The following ATP6V0C variants were observed in gnomAD, a reference collection of about 807,000 sequenced individuals.
ATP6V0C encodes the protein V-type proton ATPase 16 kDa proteolipid subunit c.
Under a neutral mutation model 10.6 loss-of-function variants are expected in ATP6V0C, and 2 were observed. That is an observed-to-expected ratio of 0.19 (90% CI 0.08 to 0.59). ATP6V0C has a LOEUF of 0.59. ATP6V0C is among the 20% of genes least tolerant of loss of function. ATP6V0C has a pLI of 0.90. For missense variants in ATP6V0C, 89 were observed against 225.9 expected (o/e 0.39, Z 3.88); for synonymous variants, 128 against 101.3 (o/e 1.26, Z -1.59).
Position 2,519,802 on chromosome 16 carries a change from C to G in ATP6V0C, c.*57C>G. On this transcript the variant is annotated 3_prime_UTR_variant, in exon 3 of 3. Coordinates refer to ENST00000330398, the MANE Select transcript of ATP6V0C (RefSeq NM_001694.4). ...TATGTAAAGACCACCCCTCCTCATT[C>G]CAGAACGAACAGCCTGACACATACG... 1 of 1,575,726 alleles carries G rather than the reference C, an allele frequency of 6.3e-7. No individual in the cohort carries two copies. Among genetic ancestry groups the G allele is most frequent in the Non-Finnish European group, 8.7e-7 (1 of 1,152,054 alleles).
Position 2,513,987 on chromosome 16 carries a change from A to ACGGGCCGGATCGCCTTCGCCGCCGC in ATP6V0C, c.-115_-91dup, listed in dbSNP as rs2065863214. On this transcript the variant is annotated 5_prime_UTR_variant, in exon 1 of 3. Coordinates refer to ENST00000330398, the MANE Select transcript of ATP6V0C (RefSeq NM_001694.4). ...GCTGGTATTTAGAGCGCAGCGGCTG[A>ACGGGCCGGATCGCCTTCGCCGCCGC]CGGGCCGGATCGCCTTCGCCGCCGC... is the stretch of plus-strand genomic sequence containing the variant. 1.1e-6 allele frequency: 1 copy of ACGGGCCGGATCGCCTTCGCCGCCGC among 891,294 alleles called. No individual in the cohort carries two copies. Among genetic ancestry groups the ACGGGCCGGATCGCCTTCGCCGCCGC allele is most frequent in the Non-Finnish European group, 1.7e-6 (1 of 596,614 alleles). The allele number at this position is 891,294 out of a possible 1,614,324, so 55.2% of individuals were successfully genotyped here.
chr16:2,519,846 AG>A lies in ATP6V0C; in HGVS notation c.*102del. The A allele has an allele frequency of 1.4e-6, 2 of 1,463,540 alleles. No homozygotes were observed. The highest frequency in any genetic ancestry group is 1.9e-6 in the Non-Finnish European group (2 of 1,055,852). 90.7% of individuals were successfully genotyped at this position (1,463,540 alleles called of 1,614,324 possible). On this transcript the variant is annotated 3_prime_UTR_variant, in exon 3 of 3. Transcript: ENST00000330398. Reference sequence around the variant, plus strand: ...ACATACGCACGGGGCCGCCGCCCCCAGTAGTTGGTCTTGTACATGCGCAGTG... The same window carrying A: ...ACATACGCACGGGGCCGCCGCCCCCATAGTTGGTCTTGTACATGCGCAGTG...
At chr16:2,516,404 G>A (rs2065877473) in intron 1 of ATP6V0C, among the ~76,000 whole-genome samples, 1 of 152,158 alleles carries the variant, frequency 6.6e-6, no homozygotes, top group South Asian at 2.1e-4. Context: ...GAGCCACCAT[G>A]ACTGGCTCAA....
intron 1 of ATP6V0C, among the ~76,000 whole-genome samples, chr16:2,515,456 T>G (rs1019441241): frequency 6.6e-6 from 1 of 152,178 alleles, no homozygotes; most frequent in East Asian, 1.9e-4. Context: ...GGCTTGGAGC[T>G]CTCTGTTCTC....
rs1490703912 is a variant in ATP6V0C, at chr16:2,520,028, G to A, written c.*283G>A. ...TTTAGAATTGTCATTTCTCTTTACT[G>A]GATGTTTATTTATAAAGATCTGGCC... On this transcript the variant is annotated 3_prime_UTR_variant, in exon 3 of 3. Transcript: ENST00000330398. 6.0e-6 allele frequency: 4 copies of A among 671,110 alleles called. No homozygotes were observed. The highest frequency in any genetic ancestry group is 5.3e-5 in the African/African-American group (3 of 56,240). 41.6% of individuals were successfully genotyped at this position (671,110 alleles called of 1,614,324 possible).
intron 1 of ATP6V0C, among the ~76,000 whole-genome samples, chr16:2,518,650 G>A (rs578008053): frequency 7.9e-5 from 12 of 152,330 alleles, no homozygotes; most frequent in African/African-American, 2.6e-4. Context: ...GCCCTCCTAG[G>A]TTAATATTTG....
chr16:2,514,779 C>A (rs547629232), intron 1 of ATP6V0C, among the ~76,000 whole-genome samples: 64 of 152,308 alleles, frequency 4.2e-4, no homozygotes, highest in African/African-American at 1.5e-3. Context: ...GCCCAATACC[C>A]GTGTCGCTGT....
chr16:2,519,035 T>G (rs963672820), intron 1 of ATP6V0C, 183 bp from the exon 2 acceptor site: 4 of 626,870 alleles, frequency 6.4e-6, no homozygotes, highest in Admixed American at 3.4e-5. Flanking sequence ...CCTGGCCTCC[T>G]TTTGCTTGCC....
chr16:2,515,066 C>T (rs951307019), intron 1 of ATP6V0C, among the ~76,000 whole-genome samples: 10 of 151,928 alleles, frequency 6.6e-5, no homozygotes, highest in Admixed American at 6.5e-4. Flanking sequence ...CTCCCTGAGG[C>T]CTGAAGTTGG....
Position 2,514,074 on chromosome 16 carries a change from G to C in ATP6V0C, c.-30G>C, listed in dbSNP as rs1322613998. 6.5e-7 allele frequency: 1 copy of C among 1,532,048 alleles called. No individual in the cohort carries two copies. The highest frequency in any genetic ancestry group is 1.2e-5 in the South Asian group (1 of 83,264). 94.9% of individuals were successfully genotyped at this position (1,532,048 alleles called of 1,614,324 possible). On this transcript the variant is annotated 5_prime_UTR_variant, in exon 1 of 3. Transcript: ENST00000330398. Reference sequence around the variant, plus strand: ...CCCGCCTCCGCCACCGCCTCGGCCCGCAGAGCTTGCCCCCTCCCCACCCGC... The same window carrying C: ...CCCGCCTCCGCCACCGCCTCGGCCCCCAGAGCTTGCCCCCTCCCCACCCGC...
rs2065864165 is a variant in ATP6V0C, at chr16:2,514,069, G to C, written c.-35G>C. ...TCGCCCCCGCCTCCGCCACCGCCTC[G>C]GCCCGCAGAGCTTGCCCCCTCCCCA... is the stretch of plus-strand genomic sequence containing the variant. On this transcript the variant is annotated 5_prime_UTR_variant, in exon 1 of 3. Transcript: ENST00000330398. 1 of 1,532,492 alleles carries C rather than the reference G, an allele frequency of 6.5e-7. No homozygotes were observed. The highest frequency in any genetic ancestry group is 8.8e-7 in the Non-Finnish European group (1 of 1,137,388). The allele number at this position is 1,532,492 out of a possible 1,614,324, so 94.9% of individuals were successfully genotyped here.
At chr16:2,514,232 C>T (rs2141888718) in intron 1 of ATP6V0C, 50 bp downstream of exon 1, 2 of 1,494,298 alleles carry the variant, frequency 1.3e-6, no homozygotes, top group African/African-American at 1.5e-5. Context: ...GCGCGTTGCT[C>T]ATGCCCGCAG....
chr16:2,517,677 C>T (rs1174088881), intron 1 of ATP6V0C: 1 of 152,014 alleles, frequency 6.6e-6, no homozygotes, highest in African/African-American at 2.4e-5. Context: ...GTCCCTTCCA[C>T]CTCTGACATA....
At chr16:2,515,866 C>T (rs1265958632) in intron 1 of ATP6V0C, among the ~76,000 whole-genome samples, 1 of 152,150 alleles carries the variant, frequency 6.6e-6, no homozygotes, top group Non-Finnish European at 1.5e-5. Context: ...GCCCTTGAAG[C>T]CCTGAGTTTG....
intron 1 of ATP6V0C, chr16:2,517,375 C>CA (rs2065881804): frequency 6.6e-6 from 1 of 152,342 alleles, no homozygotes; most frequent in Non-Finnish European, 1.5e-5. Context: ...CCTCTATAGT[C>CA]ACTCCCTGGA....
rs1208729809 is a variant in ATP6V0C, at chr16:2,514,031, G to T, written c.-73G>T. 26 of 1,409,206 alleles carry T rather than the reference G, an allele frequency of 1.8e-5. No individual in the cohort carries two copies. Among genetic ancestry groups the T allele is most frequent in the Admixed American group, 4.2e-5 (2 of 47,070 alleles). The allele number at this position is 1,409,206 out of a possible 1,614,324, so 87.3% of individuals were successfully genotyped here. On this transcript the variant is annotated 5_prime_UTR_variant, in exon 1 of 3. Coordinates refer to ENST00000330398, the MANE Select transcript of ATP6V0C (RefSeq NM_001694.4). ...CCGCCGCCCGCCCGCAAACCTTCGT[G>T]CCCGGCCCGTCCTCGCCCCCGCCTC...
chr16:2,516,124 C>T (rs1419907279), intron 1 of ATP6V0C, among the ~76,000 whole-genome samples: 2 of 148,302 alleles, frequency 1.3e-5, no homozygotes, highest in Admixed American at 1.3e-4. Flanking sequence ...TTTTTTCTCC[C>T]CTCCTCAAGA....
chr16:2,514,691 C>T (rs916364835), intron 1 of ATP6V0C, among the ~76,000 whole-genome samples: 1 of 152,196 alleles, frequency 6.6e-6, no homozygotes, highest in Non-Finnish European at 1.5e-5. Flanking sequence ...TCAGCCCTCG[C>T]CCTTATGGCG....
intron 1 of ATP6V0C, among the ~76,000 whole-genome samples, chr16:2,514,650 G>C (rs1006141013): frequency 6.6e-6 from 1 of 152,182 alleles, no homozygotes; most frequent in Admixed American, 6.5e-5. Context: ...TTTCCGGCTG[G>C]TGGGGAGCCC....
Sources: allele counts gnomAD v4.1 joint callset (sites outside exome capture counted in the v4.1 genomes callset), GRCh38; gene constraint gnomAD v4.1.1; transcripts MANE v1.5; gene names NCBI Gene and HGNC (gene_info 2026-07-23, HGNC 2026-07-21).